Variants in TPST1 observed in about 807,000 individuals in gnomAD.
TPST1 encodes the protein protein-tyrosine sulfotransferase 1.
A neutral mutation model predicts 34.8 loss-of-function variants in TPST1; 20 were observed. The observed-to-expected ratio is 0.57, with a 90% CI of 0.40 to 0.84. The LOEUF (loss-of-function observed/expected upper bound fraction) is 0.84, where lower values mean the gene tolerates loss of function less well. Ranked by LOEUF, TPST1 falls within the 40% of genes least tolerant of loss-of-function variation. The pLI is 0.00. For synonymous variants in TPST1, 152 were observed against 159.4 expected, an observed-to-expected ratio of 0.95 and a Z score of 0.35; for missense variants, 353 against 455.5, an observed-to-expected ratio of 0.78 and a Z score of 2.05.
At chr7:66,355,979 C>A (rs1034450190) in intron 4 of TPST1, among the ~76,000 whole-genome samples, 4 of 150,634 alleles carry the variant, frequency 2.7e-5, no homozygotes, top group South Asian at 2.1e-4. Context: ...CTGTTAAGCC[C>A]AGACAGCTGT....
intron 3 of TPST1, among the ~76,000 whole-genome samples, chr7:66,331,220 G>T (rs1464666471): frequency 6.6e-6 from 1 of 152,182 alleles, no homozygotes; most frequent in African/African-American, 2.4e-5. Flanking sequence ...AAGATAGAGT[G>T]CTCAAGACAA....
chr7:66,199,112 C>T, the TPST1 span, among the ~76,000 whole-genome samples: 4 of 152,034 alleles, frequency 2.6e-5, no homozygotes, highest in Non-Finnish European at 5.9e-5. Flanking sequence ...CCTGAGTGAC[C>T]CAAGTGTCCT....
intron 1 of TPST1, among the ~76,000 whole-genome samples, chr7:66,225,932 G>T (rs1789645919): frequency 6.6e-6 from 1 of 152,108 alleles, no homozygotes; most frequent in Non-Finnish European, 1.5e-5. Flanking sequence ...TTTCACCCAG[G>T]TTGGAGTGCA....
intron 3 of TPST1, among the ~76,000 whole-genome samples, chr7:66,331,081 G>C (rs1052441693): frequency 6.6e-6 from 1 of 152,146 alleles, no homozygotes; most frequent in Non-Finnish European, 1.5e-5. Flanking sequence ...TCATGTGACT[G>C]TTGGCAGGCC....
intron 3 of TPST1, among the ~76,000 whole-genome samples, chr7:66,300,271 C>T (rs1243702229): frequency 6.6e-6 from 1 of 152,184 alleles, no homozygotes; most frequent in Admixed American, 6.5e-5. Context: ...GCATCTTCAC[C>T]AGGAGTAGAT....
At chr7:66,309,116 T>C (rs1791480787) in intron 3 of TPST1, among the ~76,000 whole-genome samples, 1 of 152,168 alleles carries the variant, frequency 6.6e-6, no homozygotes. Context: ...CAGGCTGGTC[T>C]TGGAACTCCT....
chr7:66,258,983 C>T (rs747275980), intron 2 of TPST1, among the ~76,000 whole-genome samples: 34 of 152,120 alleles, frequency 2.2e-4, no homozygotes, highest in Non-Finnish European at 1.8e-4. Context: ...CAATAATTTT[C>T]TCTTAGTGTT....
At chr7:66,280,209 C>T (rs974026898) in intron 2 of TPST1, among the ~76,000 whole-genome samples, 25 of 152,194 alleles carry the variant, frequency 1.6e-4, no homozygotes, top group Admixed American at 9.2e-4. Context: ...TCCAGAGCAC[C>T]TAGAGCACTC....
At chr7:66,350,646 A>T (rs1792458115) in intron 3 of TPST1, among the ~76,000 whole-genome samples, 1 of 152,106 alleles carries the variant, frequency 6.6e-6, no homozygotes, top group African/African-American at 2.4e-5. Flanking sequence ...AAAAGGAGAA[A>T]CTTCTTTAGG....
chr7:66,241,147 A>C lies in TPST1; in HGVS notation c.722A>C (p.Gln241Pro), dbSNP rs948730652. The C allele has an allele frequency of 6.2e-7, 1 of 1,614,234 alleles. No homozygotes were observed. The highest frequency in any genetic ancestry group is 8.5e-7 in the Non-Finnish European group (1 of 1,180,044). ...AAGTGCATGTTGGTTCACTATGAAC[A>C]ACTTGTCTTACATCCTGAACGGTGG... The part of the protein sequence containing the change: ...YKKCMLVHYE[Q>P]LVLHPERWMR... The change falls in exon 2 of 6, where the codon CAA becomes CCA. Residue 241 changes from glutamine (Q) to proline (P), a missense_variant. Coordinates refer to ENST00000304842, the MANE Select transcript of TPST1 (RefSeq NM_003596.4).
chr7:66,282,451 C>A (rs1790950498), intron 2 of TPST1, among the ~76,000 whole-genome samples: 1 of 152,198 alleles, frequency 6.6e-6, no homozygotes, highest in Non-Finnish European at 1.5e-5. Flanking sequence ...ACATAACAGG[C>A]AGCAGGCCAG....
intron 1 of TPST1, among the ~76,000 whole-genome samples, chr7:66,212,511 G>A (rs1789285098): frequency 6.6e-6 from 1 of 151,006 alleles, no homozygotes; most frequent in African/African-American, 2.4e-5. Context: ...CCAGGCTGGA[G>A]TGCAATGATA....
chr7:66,304,452 G>GAA (rs1198660695), intron 3 of TPST1, among the ~76,000 whole-genome samples: 1 of 152,180 alleles, frequency 6.6e-6, no homozygotes, highest in East Asian at 1.9e-4. Flanking sequence ...AAAACTCACA[G>GAA]AAGCCTCTGA....
At chr7:66,249,599 C>G (rs1790221231) in intron 2 of TPST1, among the ~76,000 whole-genome samples, 2 of 152,194 alleles carry the variant, frequency 1.3e-5, no homozygotes, top group Non-Finnish European at 2.9e-5. Flanking sequence ...GCGCTTCTAA[C>G]AGGTTTCCCG....
chr7:66,358,881 T>C (rs1792634737), intron 5 of TPST1, among the ~76,000 whole-genome samples: 2 of 152,190 alleles, frequency 1.3e-5, no homozygotes, highest in African/African-American at 4.8e-5. Context: ...GCATCAGCAG[T>C]TGCCTCTGCA....
At chr7:66,262,708 T>A (rs1310809958) in intron 2 of TPST1, among the ~76,000 whole-genome samples, 1 of 152,166 alleles carries the variant, frequency 6.6e-6, no homozygotes, top group Non-Finnish European at 1.5e-5. Flanking sequence ...TTCCATTTCC[T>A]CTTCCACTTT....
At chr7:66,312,206 C>T (rs2116128337) in intron 3 of TPST1, among the ~76,000 whole-genome samples, 1 of 152,334 alleles carries the variant, frequency 6.6e-6, no homozygotes, top group East Asian at 1.9e-4. Flanking sequence ...ATAGGTTCCC[C>T]TCATCCTTCT....
chr7:66,359,871 CCA>C, intron 5 of TPST1, 22 bp from the exon 6 acceptor site: 1 of 456,718 alleles, frequency 2.2e-6, no homozygotes, highest in Non-Finnish European at 4.4e-6. Flanking sequence ...ACACCTGTAA[CCA>C]CATTCTGTTT....
At chr7:66,264,007 A>G (rs972490619) in intron 2 of TPST1, among the ~76,000 whole-genome samples, 2 of 152,190 alleles carry the variant, frequency 1.3e-5, no homozygotes. Context: ...GCTGGGGCTG[A>G]AATAACAGCC....
Sources: gnomAD v4.1 joint callset for allele counts (sites outside exome capture counted in the v4.1 genomes callset) on GRCh38, gnomAD v4.1.1 for gene constraint, MANE v1.5 for transcripts, NCBI Gene and HGNC (gene_info 2026-07-23, HGNC 2026-07-21) for gene names.